ANKRD36: variants seen among roughly 807,000 people sequenced by gnomAD.
The protein encoded by ANKRD36 is ankyrin repeat domain-containing protein 36A.
In ANKRD36, 179 loss-of-function variants were observed where a neutral mutation model predicts 278.1. That is an observed-to-expected ratio of 0.64 (90% confidence interval 0.57 to 0.73). The LOEUF (loss-of-function observed/expected upper bound fraction) is 0.73, where lower values mean the gene tolerates loss of function less well. Ranked by LOEUF, ANKRD36 falls within the 30% of genes least tolerant of loss-of-function variation. The pLI, the probability that ANKRD36 is intolerant of heterozygous loss-of-function variation, is 0.00. For missense variants in ANKRD36, 1,159 were observed against 1,956.7 expected (o/e 0.59, Z 7.69); for synonymous variants, 320 against 641.1 (o/e 0.50, Z 7.57).
At chr2:97,212,798 G>T (rs201003500) in intron 58 of ANKRD36, 1 of 173,124 alleles carries the variant, frequency 5.8e-6, no homozygotes, top group Non-Finnish European at 1.2e-5. Flanking sequence ...AAGGCTAAAC[G>T]AGTGGATACA....
At chr2:97,171,553 G>A (rs1041856827) in intron 22 of ANKRD36, among the ~76,000 whole-genome samples, 1 of 106,778 alleles carries the variant, frequency 9.4e-6, no homozygotes, top group Non-Finnish European at 1.9e-5. Flanking sequence ...GACTGTGGTG[G>A]GGTGGGGGGA....
chr2:97,201,545 T>A (rs1436295967), intron 46 of ANKRD36, among the ~76,000 whole-genome samples: 10 of 151,920 alleles, frequency 6.6e-5, no homozygotes, highest in Admixed American at 5.9e-4. Context: ...TTTGGTGCCA[T>A]GAGTGGATGA....
chr2:97,262,770 A>C (rs1449470528), intron 75 of ANKRD36, among the ~76,000 whole-genome samples: 1 of 129,834 alleles, frequency 7.7e-6, no homozygotes, highest in African/African-American at 3.2e-5. Context: ...ACAGTGTGGC[A>C]CCTCTCCCGT....
At chr2:97,203,180 A>T (rs2061868273) in intron 48 of ANKRD36, among the ~76,000 whole-genome samples, 1 of 151,804 alleles carries the variant, frequency 6.6e-6, no homozygotes, top group Non-Finnish European at 1.5e-5. Flanking sequence ...CTATTTCATG[A>T]AACTTCTTTA....
chr2:97,263,511 C>T (rs2076948807), intron 75 of ANKRD36, among the ~76,000 whole-genome samples: 1 of 49,234 alleles, frequency 2.0e-5, no homozygotes, highest in Non-Finnish European at 3.1e-5. Flanking sequence ...TTTAAGAATA[C>T]TAATATGTTT....
chr2:97,146,081 G>A (rs1384313137), intron 10 of ANKRD36, among the ~76,000 whole-genome samples: 1 of 151,956 alleles, frequency 6.6e-6, no homozygotes, highest in African/African-American at 2.4e-5. Context: ...TGATTCTCCT[G>A]TCTCAGTCTC....
chr2:97,146,572 A>G (rs2044320052), intron 11 of ANKRD36, 56 bp downstream of exon 11: 1 of 1,410,748 alleles, frequency 7.1e-7, no homozygotes, highest in African/African-American at 1.4e-5. Flanking sequence ...TAGAGAGAAT[A>G]GAAACTAGTA....
chr2:97,155,600 GT>G (rs1405399720), intron 15 of ANKRD36, among the ~76,000 whole-genome samples: 1 of 146,048 alleles, frequency 6.8e-6, no homozygotes, highest in African/African-American at 2.4e-5. Context: ...ATAACAACCT[GT>G]TTGATAAGCA....
At chr2:97,189,376 T>TGGGGGGGG in intron 34 of ANKRD36, 86 bp downstream of exon 34, 7 of 414,724 alleles carry the variant, frequency 1.7e-5, no homozygotes, top group Non-Finnish European at 2.9e-5. Context: ...GGAGGGTGGG[T>TGGGGGGGG]GGGGGGCTCG....
intron 40 of ANKRD36, among the ~76,000 whole-genome samples, chr2:97,195,282 A>T (rs190481741): frequency 6.6e-6 from 1 of 152,100 alleles, no homozygotes; most frequent in Admixed American, 6.6e-5. Context: ...TGCTAAAAAC[A>T]GACAGAAAAC....
chr2:97,135,555 G>A (rs1409819229), intron 6 of ANKRD36, among the ~76,000 whole-genome samples: 2 of 150,528 alleles, frequency 1.3e-5, no homozygotes, highest in Admixed American at 6.7e-5. Context: ...AGTAGGCATT[G>A]CCATGTAGTC....
At chr2:97,218,779 TA>T (rs2066615235) in intron 64 of ANKRD36, among the ~76,000 whole-genome samples, 1 of 152,032 alleles carries the variant, frequency 6.6e-6, no homozygotes, top group African/African-American at 2.4e-5. Flanking sequence ...TTAATCAGTA[TA>T]CCCACATTGA....
intron 50 of ANKRD36, 44 bp downstream of exon 50, chr2:97,204,307 A>G (rs753704966): frequency 9.2e-6 from 14 of 1,522,798 alleles, no homozygotes; most frequent in South Asian, 5.0e-5. Flanking sequence ...GTGCAGATAG[A>G]TAAGAAGTTC....
At chr2:97,163,526 C>G (rs1490138049) in intron 18 of ANKRD36, 1 of 282,802 alleles carries the variant, frequency 3.5e-6, no homozygotes, top group Non-Finnish European at 6.9e-6. Context: ...AAGTAGATAT[C>G]TAAAGTAATG....
chr2:97,169,370 T>G (rs939259093), intron 22 of ANKRD36, among the ~76,000 whole-genome samples: 1 of 152,308 alleles, frequency 6.6e-6, no homozygotes, highest in Non-Finnish European at 1.5e-5. Context: ...ATGGAGAGAT[T>G]GCGAACATTT....
chr2:97,125,537 AAAT>A (rs1172790679), intron 5 of ANKRD36, among the ~76,000 whole-genome samples: 2 of 150,872 alleles, frequency 1.3e-5, no homozygotes, highest in Non-Finnish European at 3.0e-5. Flanking sequence ...AGAGATATTC[AAAT>A]AATGTTGTAG....
intron 66 of ANKRD36, among the ~76,000 whole-genome samples, chr2:97,220,326 C>T (rs1487435058): frequency 1.4e-5 from 2 of 147,992 alleles, no homozygotes; most frequent in Non-Finnish European, 3.0e-5. Context: ...TAAAATGCTA[C>T]ATTTTATTCA....
rs1392391821 is a variant in ANKRD36, at chr2:97,203,924, T to C, written c.2960-144T>C. On this transcript the variant is annotated intron_variant, in intron 48 of 75. Coordinates refer to ENST00000420699, the MANE Select transcript of ANKRD36 (RefSeq NM_001354587.1). ...TTCTCAGCGTATTTCTGTCACGTTC[T>C]AATCCCCAGACCAAAATTAGAAGCC... 9.7e-6 allele frequency: 13 copies of C among 1,343,900 alleles called. No individual in the cohort carries two copies. In the Admixed American group the frequency reaches 1.1e-4, roughly 12 times the overall value. The allele number at this position is 1,343,900 out of a possible 1,614,324, so 83.2% of individuals were successfully genotyped here.
rs543061748 is a variant in ANKRD36 at position 97,155,572 on chromosome 2, A to C, written c.1260+831A>C. 2.0e-5 allele frequency among the ~76,000 whole-genome samples: 3 copies of C among 146,634 alleles called. No homozygotes were observed. The East Asian group carries it at 5.9e-4, about 29-fold the overall frequency. ...TTTAAACTCTTTATCTAATTGAAGA[A>C]TATGCATTTTGTTTAAAATAACAAC... is the stretch of plus-strand genomic sequence containing the variant. On this transcript the variant is annotated intron_variant, in intron 15 of 75. Coordinates refer to ENST00000420699, the MANE Select transcript of ANKRD36 (RefSeq NM_001354587.1).
Sources: allele counts gnomAD v4.1 joint callset (sites outside exome capture counted in the v4.1 genomes callset), GRCh38; gene constraint gnomAD v4.1.1; transcripts MANE v1.5; gene names NCBI Gene and HGNC (gene_info 2026-07-23, HGNC 2026-07-21).